EPHA3: variants seen among roughly 807,000 people sequenced by gnomAD.
EPHA3 encodes the protein EPH receptor A3, also known as ephrin type-A receptor 3.
Under a neutral mutation model 107.1 loss-of-function variants are expected in EPHA3, and 42 were observed. The ratio of observed to expected loss-of-function variants is 0.39; its 90% CI spans 0.31 to 0.51. The LOEUF (loss-of-function observed/expected upper bound fraction) is 0.51, where lower values mean the gene tolerates loss of function less well. Among genes scored for constraint, EPHA3 ranks in the 20% least tolerant of loss-of-function variants. The probability of loss-of-function intolerance (pLI) is 0.78; values close to 1 mark genes in which losing one functional copy is unlikely to be tolerated. For missense variants in EPHA3, 1,183 were observed against 1,211.2 expected (o/e 0.98, Z 0.35); for synonymous variants, 461 against 424.8 (o/e 1.09, Z -1.05).
intron 2 of EPHA3, among the ~76,000 whole-genome samples, chr3:89,153,624 C>G (rs1227247136): frequency 6.6e-6 from 1 of 152,018 alleles, no homozygotes; most frequent in Non-Finnish European, 1.5e-5. Context: ...AGAAATATAA[C>G]CATTTCTTAC....
Position 89,369,842 on chromosome 3 carries a change from A to C in EPHA3, c.1307-25995A>C, listed in dbSNP as rs534559884. On this transcript the variant is annotated intron_variant, in intron 5 of 16. Coordinates refer to ENST00000336596, the MANE Select transcript of EPHA3 (RefSeq NM_005233.6). ...ACAAACAACCCCATCAAAAAGTGGGAAAAGGACATGAACAGACACTTCTCA... is the reference window on the plus strand; with the variant it reads ...ACAAACAACCCCATCAAAAAGTGGGCAAAGGACATGAACAGACACTTCTCA... 6.9e-4 allele frequency among the ~76,000 whole-genome samples: 103 copies of C among 150,186 alleles called. 2 individuals carry two copies. In the East Asian group the frequency reaches 0.018, roughly 26 times the overall value.
At chr3:89,275,186 A>C (rs761111614) in intron 3 of EPHA3, among the ~76,000 whole-genome samples, 1 of 152,000 alleles carries the variant, frequency 6.6e-6, no homozygotes, top group African/African-American at 2.4e-5. Flanking sequence ...AATTCCTACT[A>C]TTGGATATGC....
chr3:89,317,509 C>A (rs1706936270), intron 3 of EPHA3, among the ~76,000 whole-genome samples: 1 of 151,718 alleles, frequency 6.6e-6, no homozygotes, highest in African/African-American at 2.4e-5. Flanking sequence ...TCCCTGATTC[C>A]ATTAAGGCCA....
chr3:89,298,778 A>G (rs1706419464), intron 3 of EPHA3, among the ~76,000 whole-genome samples: 1 of 152,154 alleles, frequency 6.6e-6, no homozygotes, highest in South Asian at 2.1e-4. Flanking sequence ...GGATATGTAA[A>G]TTAAATATTA....
chr3:89,165,501 A>C (rs1461664326), intron 2 of EPHA3, among the ~76,000 whole-genome samples: 1 of 152,220 alleles, frequency 6.6e-6, no homozygotes, highest in East Asian at 1.9e-4. Context: ...TAACTGTTCT[A>C]ATGCATGGAT....
chr3:89,327,089 C>A (rs1164687362), intron 3 of EPHA3, among the ~76,000 whole-genome samples: 2 of 151,952 alleles, frequency 1.3e-5, no homozygotes, highest in Non-Finnish European at 2.9e-5. Flanking sequence ...AAGAAAGATG[C>A]CCATGAAGTG....
At chr3:89,181,544 G>T (rs1192904581) in intron 2 of EPHA3, among the ~76,000 whole-genome samples, 1 of 151,926 alleles carries the variant, frequency 6.6e-6, no homozygotes, top group Non-Finnish European at 1.5e-5. Flanking sequence ...ACAATGTAAT[G>T]GAGATGGTAG....
At chr3:89,381,271 C>T (rs1708501245) in intron 5 of EPHA3, among the ~76,000 whole-genome samples, 1 of 152,056 alleles carries the variant, frequency 6.6e-6, no homozygotes, top group Non-Finnish European at 1.5e-5. Context: ...CGCGCCCGGC[C>T]TATAGGCTGG....
At chr3:89,390,001 A>C (rs761728411) in intron 5 of EPHA3, among the ~76,000 whole-genome samples, 1 of 147,418 alleles carries the variant, frequency 6.8e-6, no homozygotes, top group African/African-American at 2.7e-5. Flanking sequence ...ACTTTTTTTA[A>C]ATTTTTTTGA....
intron 11 of EPHA3, among the ~76,000 whole-genome samples, chr3:89,425,702 T>C (rs1476753915): frequency 6.6e-5 from 10 of 151,638 alleles, no homozygotes; most frequent in Admixed American, 5.9e-4. Context: ...AATATCTTTA[T>C]GACTGACTAT....
chr3:89,221,429 A>G (rs1332716694), intron 3 of EPHA3, among the ~76,000 whole-genome samples: 3 of 152,216 alleles, frequency 2.0e-5, no homozygotes, highest in Non-Finnish European at 2.9e-5. Flanking sequence ...AAAAACATAC[A>G]TAGATACGCT....
chr3:89,222,138 G>C lies in EPHA3; in HGVS notation c.814+11618G>C, dbSNP rs540359340. 1.8e-3 allele frequency among the ~76,000 whole-genome samples: 272 copies of C among 152,022 alleles called. 1 individual carries two copies. Among genetic ancestry groups the C allele is most frequent in the Non-Finnish European group, 3.1e-3 (210 of 67,994 alleles). On this transcript the variant is annotated intron_variant, in intron 3 of 16. Coordinates refer to ENST00000336596, the MANE Select transcript of EPHA3 (RefSeq NM_005233.6). Reference sequence around the variant, plus strand: ...CTGTTGCTGAGGACATGATTGATAGGAGATGATGGCTAGTGGAGAACCAGG... The same window carrying C: ...CTGTTGCTGAGGACATGATTGATAGCAGATGATGGCTAGTGGAGAACCAGG...
At chr3:89,457,409 G>A (rs1393506669) in intron 15 of EPHA3, among the ~76,000 whole-genome samples, 1 of 152,174 alleles carries the variant, frequency 6.6e-6, no homozygotes, top group Non-Finnish European at 1.5e-5. Flanking sequence ...CTGCAGATCA[G>A]CAGGGGCATT....
intron 11 of EPHA3, among the ~76,000 whole-genome samples, chr3:89,421,456 A>C (rs1709351424): frequency 6.6e-6 from 1 of 151,274 alleles, no homozygotes; most frequent in Non-Finnish European, 1.5e-5. Context: ...AGTGCATTTA[A>C]ATAACTACTT....
intron 5 of EPHA3, among the ~76,000 whole-genome samples, chr3:89,392,477 A>G (rs1202373877): frequency 6.6e-6 from 1 of 151,808 alleles, no homozygotes; most frequent in Non-Finnish European, 1.5e-5. Flanking sequence ...TTTACTGGCA[A>G]TTGCGATTTT....
In EPHA3 at chr3:89,367,289, C is replaced by T. The variant is rs970197817; in HGVS notation, c.1306+25199C>T. ...AAATTTCAACTATTTCCCTTCTTTA[C>T]CTGTTCATTTCTCATCTCTCAAAAG... On this transcript the variant is annotated intron_variant, in intron 5 of 16. Transcript: ENST00000336596. 4.0e-5 allele frequency among the ~76,000 whole-genome samples: 6 copies of T among 150,596 alleles called. 1 individual carries two copies. Among genetic ancestry groups the T allele is most frequent in the African/African-American group, 1.2e-4 (5 of 41,244 alleles).
chr3:89,398,031 A>T (rs1387035261), intron 6 of EPHA3, among the ~76,000 whole-genome samples: 2 of 152,218 alleles, frequency 1.3e-5, no homozygotes, highest in Non-Finnish European at 2.9e-5. Flanking sequence ...ACCTAAATTT[A>T]AAAATTAATT....
intron 5 of EPHA3, among the ~76,000 whole-genome samples, chr3:89,359,287 GTTTGCTAATA>G (rs1708035584): frequency 6.6e-6 from 1 of 150,844 alleles, no homozygotes; most frequent in African/African-American, 2.4e-5. Context: ...GGTTTTACTA[GTTTGCTAATA>G]TTTGTTAAGA....
intron 3 of EPHA3, among the ~76,000 whole-genome samples, chr3:89,338,265 G>A (rs1707437299): frequency 6.6e-6 from 1 of 152,120 alleles, no homozygotes; most frequent in Admixed American, 6.5e-5. Context: ...AAAATTCTAT[G>A]TAACAGTTTG....
Sources: allele counts gnomAD v4.1 joint callset (sites outside exome capture counted in the v4.1 genomes callset), GRCh38; gene constraint gnomAD v4.1.1; transcripts MANE v1.5; gene names NCBI Gene and HGNC (gene_info 2026-07-23, HGNC 2026-07-21).